Variants in PCNX1 observed in about 807,000 individuals in gnomAD.
PCNX1 encodes pecanex-like protein 1.
In PCNX1, 78 loss-of-function variants were observed where a neutral mutation model predicts 242.2. The observed-to-expected ratio is 0.32, with a 90% CI of 0.27 to 0.39. PCNX1 has a LOEUF of 0.39. Among genes scored for constraint, PCNX1 ranks in the 10% least tolerant of loss-of-function variants. The pLI, the probability that PCNX1 is intolerant of heterozygous loss-of-function variation, is 1.00. For synonymous variants in PCNX1, 1,024 were observed against 1,032.9 expected (o/e 0.99, Z 0.17); for missense variants, 2,581 against 2,856.5 (o/e 0.90, Z 2.20).
At chr14:71,097,086 A>G (rs2062309109) in intron 30 of PCNX1, among the ~76,000 whole-genome samples, 2 of 152,162 alleles carry the variant, frequency 1.3e-5, no homozygotes, top group Admixed American at 1.3e-4. Context: ...GAATTATCCT[A>G]ATTTGCTTAG....
In PCNX1 at chr14:71,103,620, C is replaced by G; in HGVS notation, c.6046C>G (p.Pro2016Ala). The change falls in exon 32 of 36, where the codon CCT (proline) becomes GCT (alanine). Residue 2016 changes from proline (P) to alanine (A), a missense_variant. This residue lies in a region of PCNX1 where 432 missense variants were observed against 433.6 expected (regional missense o/e 1.00). Transcript: ENST00000304743. Reference protein sequence around the residue: ...HEQLKDILGGPISLGNIRNFI... With the variant: ...HEQLKDILGGAISLGNIRNFI... ...ACAGCTTAAAGACATTCTTGGGGGT[C>G]CTATCAGCTTGGGAAATATCAGGAA... 6.2e-7 allele frequency: 1 copy of G among 1,614,086 alleles called. No individual in the cohort carries two copies. The highest frequency in any genetic ancestry group is 2.2e-5 in the East Asian group (1 of 44,876).
chr14:70,971,115 G>GT lies in PCNX1; in HGVS notation c.604+2045dup, dbSNP rs1046870052. Among the ~76,000 whole-genome samples the GT allele has an allele frequency of 6.1e-3, 88 of 14,514 alleles. 41 individuals are homozygous for GT. Among genetic ancestry groups the GT allele is most frequent in the Middle Eastern group, 0.028 (1 of 36 alleles). 9.5% of individuals were successfully genotyped at this position (14,514 alleles called of 152,430 possible). On this transcript the variant is annotated intron_variant, in intron 5 of 35. Transcript: ENST00000304743. ...AATCTATGCTATACTACTTTATATA[G>GT]TTTTTTTTTTTTTTTTTTTTTTTTT...
At position 70,991,820 on chromosome 14, in the gene PCNX1, G is replaced by A. The variant is rs2059174476; in HGVS notation, c.2444+3121G>A. On this transcript the variant is annotated intron_variant, in intron 7 of 35. Transcript: ENST00000304743. The stretch of plus-strand genomic sequence containing the variant: ...AGGATGATATGGTCATTTAAAATTT[G>A]GAAAAATTATCTAAAAGAAATGGTA... 2.0e-5 allele frequency among the ~76,000 whole-genome samples: 3 copies of A among 152,076 alleles called. No homozygotes were observed. The Middle Eastern group carries it at 0.01, about 517-fold the overall frequency.
intron 2 of PCNX1, among the ~76,000 whole-genome samples, chr14:70,949,260 C>CGTGTGT (rs2057645955): frequency 1.7e-4 from 4 of 23,716 alleles, no homozygotes; most frequent in Non-Finnish European, 4.7e-4. Flanking sequence ...TATACACACA[C>CGTGTGT]ACGTGTATGC....
intron 2 of PCNX1, among the ~76,000 whole-genome samples, chr14:70,952,081 G>A (rs1486544418): frequency 1.3e-5 from 2 of 152,144 alleles, no homozygotes; most frequent in African/African-American, 4.8e-5. Flanking sequence ...TTTCTTGTCA[G>A]AATGATGAGG....
intron 20 of PCNX1, among the ~76,000 whole-genome samples, chr14:71,045,582 T>A (rs970179049): frequency 6.6e-6 from 1 of 152,154 alleles, no homozygotes; most frequent in Non-Finnish European, 1.5e-5. Flanking sequence ...TTACTTCTCT[T>A]TCCTGACCCT....
chr14:71,055,426 A>G (rs1009681492), intron 24 of PCNX1, 78 bp from the exon 25 acceptor site: 26 of 813,694 alleles, frequency 3.2e-5, no homozygotes, highest in Non-Finnish European at 4.7e-5. Context: ...TACATTTCCT[A>G]TAGTTTCTTC....
At chr14:70,988,145 A>G (rs555157046) in intron 6 of PCNX1, among the ~76,000 whole-genome samples, 1 of 152,294 alleles carries the variant, frequency 6.6e-6, no homozygotes, top group African/African-American at 2.4e-5. Context: ...TGCTTTTACA[A>G]TACGAATATA....
At chr14:71,095,210 AAAAT>A (rs2062242865) in intron 30 of PCNX1, among the ~76,000 whole-genome samples, 1 of 152,232 alleles carries the variant, frequency 6.6e-6, no homozygotes, top group South Asian at 2.1e-4. Flanking sequence ...TATTAGAACT[AAAAT>A]AAACCAATCA....
At chr14:70,921,812 C>CT (rs1447525340) in intron 1 of PCNX1, among the ~76,000 whole-genome samples, 2 of 152,234 alleles carry the variant, frequency 1.3e-5, no homozygotes, top group African/African-American at 4.8e-5. Context: ...TGTACATACT[C>CT]TGTCTCTCTT....
At chr14:71,026,967 C>G (rs537010418) in intron 15 of PCNX1, 85 bp downstream of exon 15, 1 of 609,698 alleles carries the variant, frequency 1.6e-6, no homozygotes, top group African/African-American at 2.0e-5. Context: ...AAATGCTTTT[C>G]CAGTTTTCAC....
intron 26 of PCNX1, among the ~76,000 whole-genome samples, chr14:71,058,208 G>A (rs569998065): frequency 6.6e-6 from 1 of 152,232 alleles, no homozygotes; most frequent in East Asian, 1.9e-4. Context: ...AATCACAGGA[G>A]CGTTTAGTAC....
intron 11 of PCNX1, among the ~76,000 whole-genome samples, chr14:71,014,109 C>G (rs898002051): frequency 4.6e-5 from 7 of 152,108 alleles, no homozygotes; most frequent in African/African-American, 1.7e-4. Context: ...AGTACATGTC[C>G]CTACCAGCCA....
intron 26 of PCNX1, among the ~76,000 whole-genome samples, chr14:71,064,529 G>A (rs8008111): frequency 5.1e-4 from 77 of 151,878 alleles, no homozygotes; most frequent in Non-Finnish European, 9.3e-4. Context: ...GTGTTATTTC[G>A]TCATTTAAAA....
chr14:71,011,632 C>T, intron 10 of PCNX1, 83 bp downstream of exon 10: 1 of 845,816 alleles, frequency 1.2e-6, no homozygotes, highest in Non-Finnish European at 1.9e-6. Context: ...CTATAAAAGC[C>T]ATAAAAATTG....
intron 8 of PCNX1, among the ~76,000 whole-genome samples, chr14:71,002,355 C>T (rs562460163): frequency 6.6e-6 from 1 of 152,072 alleles, no homozygotes; most frequent in Non-Finnish European, 1.5e-5. Context: ...TTTCTTGTTT[C>T]TTCATCAATT....
At chr14:71,031,361 G>A (rs2060378953) in intron 16 of PCNX1, among the ~76,000 whole-genome samples, 1 of 152,180 alleles carries the variant, frequency 6.6e-6, no homozygotes, top group Non-Finnish European at 1.5e-5. Context: ...CAGGTACAAG[G>A]CTGAGTGGGC....
chr14:70,924,684 C>T (rs890487827), intron 1 of PCNX1, among the ~76,000 whole-genome samples: 2 of 152,116 alleles, frequency 1.3e-5, no homozygotes, highest in Non-Finnish European at 2.9e-5. Flanking sequence ...CTTCTCTGGG[C>T]TCAGGTGACC....
intron 2 of PCNX1, among the ~76,000 whole-genome samples, chr14:70,959,318 A>T (rs2810102): frequency 0.63 from 89,280 of 142,582 alleles, 28,286 homozygotes; most frequent in South Asian, 0.72. Context: ...CATGCTGGTG[A>T]GCTGCACCCA....
Sources: allele counts gnomAD v4.1 joint callset (sites outside exome capture counted in the v4.1 genomes callset), GRCh38; gene constraint gnomAD v4.1.1; regional missense constraint gnomAD v4.1.1; transcripts MANE v1.5; gene names NCBI Gene and HGNC (gene_info 2026-07-23, HGNC 2026-07-21).